Variants in CTNNA3 observed in about 807,000 individuals in gnomAD.
The protein encoded by CTNNA3 is catenin alpha-3.
Under a neutral mutation model 95.7 loss-of-function variants are expected in CTNNA3, and 76 were observed. The ratio of observed to expected loss-of-function variants is 0.79; its 90% CI spans 0.66 to 0.96. The LOEUF (loss-of-function observed/expected upper bound fraction) is 0.96. CTNNA3 is among the 40% of genes least tolerant of loss of function. The probability of loss-of-function intolerance (pLI) is 0.00; values close to 1 mark genes in which losing one functional copy is unlikely to be tolerated. For synonymous variants in CTNNA3, 431 were observed against 374.4 expected (o/e 1.15, Z -1.74); for missense variants, 1,191 against 1,089.8 (o/e 1.09, Z -1.31).
At chr10:67,307,280 A>T (rs545321312) in intron 5 of CTNNA3, among the ~76,000 whole-genome samples, 23 of 152,350 alleles carry the variant, frequency 1.5e-4, no homozygotes, top group Admixed American at 1.2e-3. Context: ...CTTATAGAAA[A>T]GTAAAGGAAA....
At chr10:66,993,121 G>A (rs1370031478) in intron 7 of CTNNA3, among the ~76,000 whole-genome samples, 3 of 152,050 alleles carry the variant, frequency 2.0e-5, no homozygotes, top group Non-Finnish European at 4.4e-5. Context: ...AGCCTCATTC[G>A]CATGGTTGAC....
At chr10:66,360,808 C>CCTTTCTTT (rs1491414686) in intron 12 of CTNNA3, among the ~76,000 whole-genome samples, 1 of 61,810 alleles carries the variant, frequency 1.6e-5, no homozygotes, top group South Asian at 1.1e-3. Flanking sequence ...TTCCTTCCTT[C>CCTTTCTTT]CTTCCTTCCT....
chr10:67,538,922 G>A (rs1343734555), intron 4 of CTNNA3, among the ~76,000 whole-genome samples: 2 of 152,144 alleles, frequency 1.3e-5, no homozygotes, highest in African/African-American at 4.8e-5. Flanking sequence ...GGGTTTGTCT[G>A]ACAAAATAAA....
At chr10:67,696,211 G>C (rs1345714228), upstream of CTNNA3, 1 of 152,120 alleles carries the variant, frequency 6.6e-6, no homozygotes, top group Admixed American at 6.6e-5. Context: ...ACAAGCCAGG[G>C]TGGGTGGTAT....
rs74141409 is a variant in CTNNA3 at position 66,294,914 on chromosome 10, G to A, written c.1733-14293C>T. Among the ~76,000 whole-genome samples the A allele has an allele frequency of 4.3e-4, 65 of 150,410 alleles. 1 individual carries two copies. Among genetic ancestry groups the A allele is most frequent in the Admixed American group, 7.9e-4 (12 of 15,132 alleles). ...AGAGAGAGAGAGAGAGAGAGAGAGA[G>A]GGATTTGGTAAACATTTGCATTGGG... On this transcript the variant is annotated intron_variant, in intron 12 of 17. Transcript: ENST00000433211.
chr10:66,873,412 A>C (rs1844490400), intron 7 of CTNNA3, among the ~76,000 whole-genome samples: 1 of 151,136 alleles, frequency 6.6e-6, no homozygotes, highest in Non-Finnish European at 1.5e-5. Context: ...AGCCATTCTG[A>C]CTGGTGTGAG....
intron 9 of CTNNA3, among the ~76,000 whole-genome samples, chr10:66,637,862 CT>C (rs1230755502): frequency 3.3e-5 from 5 of 152,198 alleles, no homozygotes; most frequent in African/African-American, 4.8e-5. Context: ...CCTCCTGCCC[CT>C]GGCTGCCAGT....
chr10:66,071,080 C>T (rs150891573), intron 14 of CTNNA3, among the ~76,000 whole-genome samples: 5 of 152,178 alleles, frequency 3.3e-5, no homozygotes, highest in Admixed American at 2.0e-4. Flanking sequence ...ATTTCAACCA[C>T]GCTGAAAATT....
intron 7 of CTNNA3, among the ~76,000 whole-genome samples, chr10:66,910,010 A>G (rs1156496307): frequency 6.6e-6 from 1 of 152,200 alleles, no homozygotes; most frequent in African/African-American, 2.4e-5. Flanking sequence ...CTATGCATTT[A>G]TATGGCATAT....
intron 7 of CTNNA3, among the ~76,000 whole-genome samples, chr10:66,797,462 G>A (rs1185972201): frequency 6.7e-6 from 1 of 149,854 alleles, no homozygotes; most frequent in African/African-American, 2.4e-5. Flanking sequence ...ATGAATAAAT[G>A]GCAAAACAAA....
intron 7 of CTNNA3, among the ~76,000 whole-genome samples, chr10:67,056,471 T>C (rs1166605306): frequency 6.6e-6 from 1 of 152,180 alleles, no homozygotes; most frequent in Admixed American, 6.5e-5. Context: ...TCTCTCAAAT[T>C]GTATAAGCTT....
chr10:66,303,248 AT>A (rs2091888769), intron 12 of CTNNA3, among the ~76,000 whole-genome samples: 1 of 152,182 alleles, frequency 6.6e-6, no homozygotes, highest in Non-Finnish European at 1.5e-5. Context: ...AAATAAAAAA[AT>A]GTACAAACTA....
chr10:67,545,610 G>A (rs1189912922), intron 3 of CTNNA3, among the ~76,000 whole-genome samples: 2 of 152,096 alleles, frequency 1.3e-5, no homozygotes, highest in East Asian at 1.9e-4. Context: ...TTGGAGCAGG[G>A]CAAGGCAAGG....
intron 11 of CTNNA3, among the ~76,000 whole-genome samples, chr10:66,444,026 C>T (rs147731453): frequency 0.38 from 57,857 of 151,506 alleles, 11,621 homozygotes; most frequent in African/African-American, 0.5. Flanking sequence ...ACGTGAAGAA[C>T]GCAGAAGCCT....
At chr10:66,928,039 C>T (rs2132626138) in intron 7 of CTNNA3, 1 of 1,614,112 alleles carries the variant, frequency 6.2e-7, no homozygotes, top group East Asian at 2.2e-5. Context: ...GGCCAGGGCT[C>T]TCCCAAAGCC....
chr10:66,765,024 C>T (rs1839783113), intron 9 of CTNNA3, among the ~76,000 whole-genome samples: 1 of 151,996 alleles, frequency 6.6e-6, no homozygotes, highest in South Asian at 2.1e-4. Context: ...TAACACTTGC[C>T]ATATCTAACA....
chr10:67,589,331 T>C (rs913433243), intron 3 of CTNNA3, among the ~76,000 whole-genome samples: 3 of 152,150 alleles, frequency 2.0e-5, no homozygotes, highest in African/African-American at 7.2e-5. Context: ...CCAGGACATA[T>C]CTTATTTATT....
At chr10:66,436,096 T>G (rs6480168) in intron 11 of CTNNA3, among the ~76,000 whole-genome samples, 58,041 of 151,942 alleles carry the variant, frequency 0.38, 11,647 homozygotes, top group African/African-American at 0.5. Context: ...TACTTTCAAT[T>G]ATGTGGTCAA....
chr10:67,270,744 G>A (rs1258356051), intron 5 of CTNNA3, among the ~76,000 whole-genome samples: 1 of 152,182 alleles, frequency 6.6e-6, no homozygotes, highest in East Asian at 1.9e-4. Flanking sequence ...ATACAAGAGA[G>A]TGGCTAATGG....
Sources: allele counts gnomAD v4.1 joint callset (sites outside exome capture counted in the v4.1 genomes callset), GRCh38; gene constraint gnomAD v4.1.1; transcripts MANE v1.5; gene names NCBI Gene and HGNC (gene_info 2026-07-23, HGNC 2026-07-21).